SLC15A1: variants seen among roughly 807,000 people sequenced by gnomAD.
SLC15A1 encodes the protein Caco-2 oligopeptide transporter.
SLC15A1 carries 83 observed loss-of-function variants against 92.9 expected under a neutral mutation model. The ratio of observed to expected loss-of-function variants is 0.89; its 90% CI spans 0.75 to 1.07. SLC15A1 has a LOEUF of 1.07. SLC15A1 is among the 50% of genes least tolerant of loss of function. SLC15A1 has a pLI of 0.00. For synonymous variants in SLC15A1, 322 were observed against 318.2 expected, an observed-to-expected ratio of 1.01 and a Z score of -0.13; for missense variants, 857 against 880.1, an observed-to-expected ratio of 0.97 and a Z score of 0.33.
chr13:98,721,621 T>C (rs781460871), intron 6 of SLC15A1, 36 bp from the exon 7 acceptor site: 4 of 1,482,666 alleles, frequency 2.7e-6, no homozygotes, highest in Non-Finnish European at 1.9e-6. Flanking sequence ...TGACTTTGGC[T>C]ATCAATCCAC....
intron 18 of SLC15A1, among the ~76,000 whole-genome samples, chr13:98,697,709 A>T (rs2088034387): frequency 6.6e-6 from 1 of 151,800 alleles, no homozygotes; most frequent in Non-Finnish European, 1.5e-5. Flanking sequence ...GTGAGAATAT[A>T]AAAAGGCAAT....
chr13:98,731,479 C>T (rs1156466711), intron 1 of SLC15A1, among the ~76,000 whole-genome samples: 3 of 152,210 alleles, frequency 2.0e-5, no homozygotes, highest in Non-Finnish European at 4.4e-5. Flanking sequence ...ACCATTGCCT[C>T]CCAAAGCCAA....
At chr13:98,709,515 T>C in intron 14 of SLC15A1, 57 bp downstream of exon 14, 2 of 1,444,678 alleles carry the variant, frequency 1.4e-6, no homozygotes, top group South Asian at 1.2e-5. Context: ...GCGCAGCCCA[T>C]CTGCAAAGCC....
chr13:98,718,723 C>T (rs9517417), intron 8 of SLC15A1, among the ~76,000 whole-genome samples: 28,895 of 152,052 alleles, frequency 0.19, 3,139 homozygotes, highest in East Asian at 0.39. Context: ...CCAGGAGAAT[C>T]GCTTGAACCC....
intron 18 of SLC15A1, among the ~76,000 whole-genome samples, chr13:98,700,303 A>G (rs1485521134): frequency 6.6e-6 from 1 of 151,946 alleles, no homozygotes; most frequent in Non-Finnish European, 1.5e-5. Context: ...CATGGGCAAC[A>G]TAGTGAGACC....
At chr13:98,723,541 C>G (rs2088275974) in intron 5 of SLC15A1, among the ~76,000 whole-genome samples, 1 of 152,136 alleles carries the variant, frequency 6.6e-6, no homozygotes, top group Non-Finnish European at 1.5e-5. Context: ...TGGTACAAGA[C>G]AGAAAACCCA....
chr13:98,711,801 G>A (rs1468746109), intron 11 of SLC15A1, 53 bp downstream of exon 11: 2 of 1,343,156 alleles, frequency 1.5e-6, no homozygotes, highest in Non-Finnish European at 2.1e-6. Flanking sequence ...ACCTGGCAGT[G>A]CGGGATGTAC....
chr13:98,725,840 C>T (rs900907996), intron 4 of SLC15A1, among the ~76,000 whole-genome samples: 4 of 152,318 alleles, frequency 2.6e-5, no homozygotes, highest in African/African-American at 9.6e-5. Flanking sequence ...ATCCTCCCAC[C>T]TCAGCCTCCC....
At chr13:98,752,539 C>T in intron 1 of SLC15A1, 56 bp downstream of exon 1, 1 of 1,269,092 alleles carries the variant, frequency 7.9e-7, no homozygotes, top group Non-Finnish European at 1.0e-6. Context: ...TGCCGGCCCC[C>T]GCCCCGCGTA....
intron 10 of SLC15A1, 66 bp from the exon 11 acceptor site, chr13:98,712,009 A>G (rs891292818): frequency 8.4e-7 from 1 of 1,191,736 alleles, no homozygotes; most frequent in African/African-American, 1.5e-5. Context: ...CACGGCTTAC[A>G]GGTGCTGCTG....
At chr13:98,742,376 G>A (rs902406494) in intron 1 of SLC15A1, among the ~76,000 whole-genome samples, 3 of 152,186 alleles carry the variant, frequency 2.0e-5, no homozygotes, top group East Asian at 1.9e-4. Context: ...AAAGTCTGTC[G>A]CCATCTGTCG....
At chr13:98,722,003 A>G (rs2088264571) in intron 5 of SLC15A1, 100 bp from the exon 6 acceptor site, 6 of 899,758 alleles carry the variant, frequency 6.7e-6, no homozygotes, top group Non-Finnish European at 1.0e-5. Context: ...ATAGTGACAC[A>G]CATAGAGAAG....
chr13:98,736,357 CT>C (rs1290646535), intron 1 of SLC15A1, among the ~76,000 whole-genome samples: 1 of 152,196 alleles, frequency 6.6e-6, no homozygotes, highest in African/African-American at 2.4e-5. Context: ...GGATTAAAGA[CT>C]TAAATGTTAG....
chr13:98,685,121 A>G (rs1307455489), intron 22 of SLC15A1, among the ~76,000 whole-genome samples: 1 of 152,246 alleles, frequency 6.6e-6, no homozygotes, highest in African/African-American at 2.4e-5. Context: ...TAATATAGAC[A>G]ACATGTTTTG....
intron 1 of SLC15A1, among the ~76,000 whole-genome samples, chr13:98,744,715 CT>C (rs1371689446): frequency 7.1e-6 from 1 of 141,352 alleles, no homozygotes; most frequent in Non-Finnish European, 1.5e-5. Context: ...CGCCACTGCA[CT>C]CCAGCCTGGG....
Position 98,686,299 on chromosome 13 carries a change from T to C in SLC15A1, c.1828-2A>G. The C allele has an allele frequency of 6.2e-7, 1 of 1,604,308 alleles. No individual in the cohort carries two copies. Among genetic ancestry groups the C allele is most frequent in the Non-Finnish European group, 8.5e-7 (1 of 1,174,916 alleles). ...CACCGACTTCATGTTGGAAGGAGCC[T>C]GAGGAAGCAAAGCAAAGTGAGTCCT... On this transcript the variant is annotated splice_acceptor_variant, in intron 21 of 22. Transcript: ENST00000376503. LOFTEE classifies it high-confidence loss of function.
Position 98,726,436 on chromosome 13 carries a change from TA to T in SLC15A1, c.34del (p.Tyr12IlefsTer3). ...GMSKSHSFFG[Y>X]PLSIFFIVVN... ...CACGATGAAGAAGATGCTCAGGGGA[TA>T]ACCAAAGAAACTCTGACAAAAAAGA... is the stretch of plus-strand genomic sequence containing the variant. On this transcript the variant is annotated frameshift_variant, in exon 3 of 23. Transcript: ENST00000376503. LOFTEE classifies it high-confidence loss of function. 1 of 1,613,924 alleles carries T rather than the reference TA, an allele frequency of 6.2e-7. No individual in the cohort carries two copies. The highest frequency in any genetic ancestry group is 2.2e-5 in the East Asian group (1 of 44,874).
rs145364126 is a variant in SLC15A1 at position 98,716,525 on chromosome 13, G to C, written c.641-565C>G. ...TAATCCCAGCTACTCGGGAGGCTGA[G>C]GCAGGAGAATTGCTTGAACCCAGGA... On this transcript the variant is annotated intron_variant, in intron 8 of 22. Transcript: ENST00000376503. 1.8e-3 allele frequency among the ~76,000 whole-genome samples: 276 copies of C among 151,702 alleles called. 2 individuals are homozygous for C. Among genetic ancestry groups the C allele is most frequent in the Non-Finnish European group, 3.6e-3 (245 of 67,974 alleles).
intron 1 of SLC15A1, among the ~76,000 whole-genome samples, chr13:98,744,341 C>A (rs1566460712): frequency 7.3e-6 from 1 of 136,854 alleles, no homozygotes; most frequent in African/African-American, 2.7e-5. Context: ...CACACACAGA[C>A]TTTTTTTTTT....
Sources: allele counts gnomAD v4.1 joint callset (sites outside exome capture counted in the v4.1 genomes callset), GRCh38; gene constraint gnomAD v4.1.1; transcripts MANE v1.5; gene names NCBI Gene and HGNC (gene_info 2026-07-23, HGNC 2026-07-21).